Variants in EXOC4 observed in about 807,000 individuals in gnomAD.
EXOC4 encodes exocyst complex component 4, also known as SEC8-like 1.
Under a neutral mutation model 107.2 loss-of-function variants are expected in EXOC4, and 71 were observed. The ratio of observed to expected loss-of-function variants is 0.66; its 90% CI spans 0.55 to 0.81. The LOEUF (loss-of-function observed/expected upper bound fraction) is 0.81, where lower values mean the gene tolerates loss of function less well. EXOC4 is among the 30% of genes least tolerant of loss of function. EXOC4 has a pLI of 0.00. For synonymous variants in EXOC4, 456 were observed against 441.2 expected (o/e 1.03, Z -0.42); for missense variants, 1,108 against 1,189.6 (o/e 0.93, Z 1.01).
the EXOC4 span, among the ~76,000 whole-genome samples, chr7:134,099,732 G>A: frequency 4.6e-5 from 7 of 151,310 alleles, no homozygotes; most frequent in East Asian, 2.0e-4. Flanking sequence ...GGGTTTCACC[G>A]TTTTGCTCTT....
chr7:133,472,405 A>G (rs761852139), intron 7 of EXOC4, among the ~76,000 whole-genome samples: 1 of 152,188 alleles, frequency 6.6e-6, no homozygotes, highest in Non-Finnish European at 1.5e-5. Context: ...GACACAAAGG[A>G]TGTGGAAATG....
chr7:133,411,280 A>T (rs988172714), intron 7 of EXOC4, among the ~76,000 whole-genome samples: 6 of 152,200 alleles, frequency 3.9e-5, no homozygotes, highest in Non-Finnish European at 1.5e-5. Flanking sequence ...TTGATGTCTT[A>T]CATCTGTAGA....
intron 11 of EXOC4, among the ~76,000 whole-genome samples, chr7:133,855,114 A>T (rs1439498331): frequency 3.0e-3 from 270 of 91,418 alleles, no homozygotes; most frequent in South Asian, 6.0e-3. Context: ...AATATATATA[A>T]ATATATATAT....
At chr7:133,596,064 T>C (rs752405278) in intron 9 of EXOC4, among the ~76,000 whole-genome samples, 1 of 152,234 alleles carries the variant, frequency 6.6e-6, no homozygotes, top group Non-Finnish European at 1.5e-5. Flanking sequence ...TCACATGTTT[T>C]CCGCTTCCGC....
chr7:133,968,755 T>C (rs1801131272), intron 14 of EXOC4, among the ~76,000 whole-genome samples: 1 of 152,216 alleles, frequency 6.6e-6, no homozygotes, highest in Non-Finnish European at 1.5e-5. Flanking sequence ...CCGACCTTTC[T>C]TTCTGGCTAC....
At chr7:133,358,631 T>C (rs1282377635) in intron 6 of EXOC4, among the ~76,000 whole-genome samples, 1 of 152,202 alleles carries the variant, frequency 6.6e-6, no homozygotes, top group Non-Finnish European at 1.5e-5. Flanking sequence ...TGCCTGTTGC[T>C]GCAAGTTCCT....
intron 5 of EXOC4, among the ~76,000 whole-genome samples, chr7:133,334,587 A>C (rs1205298146): frequency 6.6e-6 from 1 of 152,178 alleles, no homozygotes; most frequent in East Asian, 1.9e-4. Flanking sequence ...TCAGGGGTAC[A>C]TGTGCAGGTT....
chr7:133,445,643 CAAAT>C (rs1554454132), intron 7 of EXOC4, among the ~76,000 whole-genome samples: 1 of 151,762 alleles, frequency 6.6e-6, no homozygotes, highest in Non-Finnish European at 1.5e-5. Context: ...AACAAACAAA[CAAAT>C]AAATCAACCT....
At chr7:133,305,660 A>G (rs934499027) in intron 3 of EXOC4, among the ~76,000 whole-genome samples, 3 of 152,132 alleles carry the variant, frequency 2.0e-5, no homozygotes, top group African/African-American at 7.2e-5. Flanking sequence ...GGTGGTGTGT[A>G]TGCTTTCATG....
intron 11 of EXOC4, among the ~76,000 whole-genome samples, chr7:133,872,110 A>T (rs1439168270): frequency 6.6e-6 from 1 of 151,882 alleles, no homozygotes; most frequent in African/African-American, 2.4e-5. Flanking sequence ...AGTCAATGAA[A>T]GGAACTGGAG....
intron 9 of EXOC4, among the ~76,000 whole-genome samples, chr7:133,528,880 G>C (rs1800128965): frequency 6.6e-6 from 1 of 152,096 alleles, no homozygotes; most frequent in South Asian, 2.1e-4. Context: ...AACATCAACA[G>C]ATGTATGATT....
At chr7:133,608,345 CA>C (rs1159867283) in intron 9 of EXOC4, among the ~76,000 whole-genome samples, 2 of 151,870 alleles carry the variant, frequency 1.3e-5, no homozygotes, top group African/African-American at 2.4e-5. Context: ...TCTGCCTTCT[CA>C]GAATAGATCT....
intron 9 of EXOC4, among the ~76,000 whole-genome samples, chr7:133,575,865 C>T (rs1004697261): frequency 1.3e-5 from 2 of 152,110 alleles, no homozygotes; most frequent in African/African-American, 2.4e-5. Context: ...TTTTTGCATT[C>T]CTCAGTTCTG....
intron 9 of EXOC4, among the ~76,000 whole-genome samples, chr7:133,504,028 C>T (rs1386340835): frequency 6.6e-6 from 1 of 152,022 alleles, no homozygotes; most frequent in Non-Finnish European, 1.5e-5. Context: ...CACGTATACA[C>T]ACACACACAC....
At chr7:133,805,629 T>G (rs988436152) in intron 10 of EXOC4, among the ~76,000 whole-genome samples, 1 of 152,086 alleles carries the variant, frequency 6.6e-6, no homozygotes, top group East Asian at 1.9e-4. Flanking sequence ...CTGGAGGAAG[T>G]GACATCTAAG....
chr7:134,019,516 C>T (rs1001990785), intron 17 of EXOC4, among the ~76,000 whole-genome samples: 2 of 152,054 alleles, frequency 1.3e-5, no homozygotes, highest in African/African-American at 2.4e-5. Flanking sequence ...ATGACATGAA[C>T]GTTAGTAAAT....
chr7:133,981,525 A>G (rs1172963189), intron 14 of EXOC4, among the ~76,000 whole-genome samples: 1 of 152,236 alleles, frequency 6.6e-6, no homozygotes, highest in East Asian at 1.9e-4. Flanking sequence ...TCTTTAGAGC[A>G]ATGCAAATGA....
intron 10 of EXOC4, among the ~76,000 whole-genome samples, chr7:133,714,338 A>G (rs575242770): frequency 3.9e-4 from 59 of 152,266 alleles, no homozygotes; most frequent in African/African-American, 1.4e-3. Flanking sequence ...TGTTTCTTCC[A>G]TAGTCTGTAT....
chr7:133,898,977 CAAAA>C (rs1252006792), intron 12 of EXOC4, among the ~76,000 whole-genome samples: 7 of 150,350 alleles, frequency 4.7e-5, no homozygotes, highest in African/African-American at 1.7e-4. Context: ...GACTCCATCT[CAAAA>C]AATAAAAAAT....
Sources: allele counts gnomAD v4.1 joint callset (sites outside exome capture counted in the v4.1 genomes callset), GRCh38; gene constraint gnomAD v4.1.1; transcripts MANE v1.5; gene names NCBI Gene and HGNC (gene_info 2026-07-23, HGNC 2026-07-21).